SPEF2: variants seen among roughly 807,000 people sequenced by gnomAD.
SPEF2 encodes the protein sperm flagella and cilia-associated protein 2.
In SPEF2, 187 loss-of-function variants were observed where a neutral mutation model predicts 224.6. The ratio of observed to expected loss-of-function variants is 0.83; its 90% CI spans 0.74 to 0.94. The LOEUF (loss-of-function observed/expected upper bound fraction) is 0.94. Among genes scored for constraint, SPEF2 ranks in the 40% least tolerant of loss-of-function variants. The probability of loss-of-function intolerance (pLI) is 0.00; values close to 1 mark genes in which losing one functional copy is unlikely to be tolerated. For missense variants in SPEF2, 2,170 were observed against 2,135.6 expected (o/e 1.02, Z -0.32); for synonymous variants, 715 against 707.3 (o/e 1.01, Z -0.17).
intron 2 of SPEF2, among the ~76,000 whole-genome samples, chr5:35,628,786 T>C (rs1744648272): frequency 1.3e-5 from 2 of 151,896 alleles, no homozygotes; most frequent in Non-Finnish European, 2.9e-5. Context: ...TAGACGGGGT[T>C]TTTCCCTGTT....
At chr5:35,757,684 G>A (rs1750651508) in intron 24 of SPEF2, among the ~76,000 whole-genome samples, 1 of 152,076 alleles carries the variant, frequency 6.6e-6, no homozygotes, top group African/African-American at 2.4e-5. Flanking sequence ...CAAACTGTAG[G>A]ATTTGTTCAT....
Position 35,753,630 on chromosome 5 carries a change from C to T in SPEF2, c.3337C>T (p.Arg1113Ter). The stretch of plus-strand genomic sequence containing the variant: ...GCCTGTTTTTTCTGTTCAGGATCTG[C>T]GAGACCGCCTGTGGGACATTTGTGA... ...AELHQRVNDLRDRLWDICDAR... is the reference protein window; with the variant it reads ...AELHQRVNDL The change falls in exon 24 of 37, where the codon CGA becomes TGA. Residue 1113 changes from arginine (R) to a stop codon, truncating the protein, a stop_gained. Transcript: ENST00000356031. LOFTEE classifies it high-confidence loss of function. The T allele has an allele frequency of 3.1e-6, 5 of 1,614,028 alleles. No individual in the cohort carries two copies. The highest frequency in any genetic ancestry group is 2.7e-5 in the African/African-American group (2 of 75,022).
intron 2 of SPEF2, among the ~76,000 whole-genome samples, chr5:35,630,331 C>T (rs1313340572): frequency 1.3e-5 from 2 of 152,200 alleles, no homozygotes; most frequent in East Asian, 3.9e-4. Flanking sequence ...GTTCTGACCC[C>T]ACATTTCCCT....
At chr5:35,657,935 C>T (rs1006365025) in intron 7 of SPEF2, among the ~76,000 whole-genome samples, 3 of 152,236 alleles carry the variant, frequency 2.0e-5, no homozygotes, top group African/African-American at 7.2e-5. Context: ...TCAGGTCTTT[C>T]CTGCAGTGCC....
intron 20 of SPEF2, among the ~76,000 whole-genome samples, chr5:35,720,613 C>T (rs1056957206): frequency 3.3e-5 from 5 of 152,124 alleles, no homozygotes. Context: ...GTTTGGTTTT[C>T]TCCACGGTTT....
intron 10 of SPEF2, among the ~76,000 whole-genome samples, chr5:35,684,632 A>G (rs1753321442): frequency 6.6e-6 from 1 of 152,250 alleles, no homozygotes; most frequent in South Asian, 2.1e-4. Flanking sequence ...TAGGCTCCTC[A>G]CACAAGCATT....
intron 10 of SPEF2, among the ~76,000 whole-genome samples, chr5:35,682,162 TG>T (rs1752917974): frequency 6.6e-6 from 1 of 152,132 alleles, no homozygotes; most frequent in Non-Finnish European, 1.5e-5. Context: ...CAAGGCAGCT[TG>T]AATGTCTTGC....
intron 30 of SPEF2, chr5:35,789,538 T>C: frequency 1.5e-6 from 1 of 655,570 alleles, no homozygotes; most frequent in South Asian, 1.7e-5. Flanking sequence ...GCCACACACT[T>C]TCATGGTAAC....
chr5:35,728,904 C>T (rs1278022870), intron 21 of SPEF2, among the ~76,000 whole-genome samples: 2 of 151,682 alleles, frequency 1.3e-5, no homozygotes, highest in African/African-American at 4.8e-5. Flanking sequence ...AAAAACTTAC[C>T]ATAGAAGCAA....
At chr5:35,745,696 C>T (rs1748410682) in intron 23 of SPEF2, among the ~76,000 whole-genome samples, 1 of 152,188 alleles carries the variant, frequency 6.6e-6, no homozygotes, top group Non-Finnish European at 1.5e-5. Flanking sequence ...TGAGCTCAGA[C>T]ATGCTTAGCT....
Position 35,734,716 on chromosome 5 carries a change from T to C in SPEF2, c.3064-5203T>C, listed in dbSNP as rs533631702. On this transcript the variant is annotated intron_variant, in intron 21 of 36. Transcript: ENST00000356031. The stretch of plus-strand genomic sequence containing the variant: ...AATTGCTTTCTTTTTTTTCTTTTTT[T>C]TTTTTTTTTTTTTTCAGACAGAGTC... 2.0e-4 allele frequency among the ~76,000 whole-genome samples: 29 copies of C among 145,316 alleles called. No homozygotes were observed. The East Asian group carries it at 5.2e-3, about 26-fold the overall frequency.
At chr5:35,667,483 A>G (rs1415040044) in intron 9 of SPEF2, among the ~76,000 whole-genome samples, 3 of 152,166 alleles carry the variant, frequency 2.0e-5, no homozygotes, top group African/African-American at 7.2e-5. Flanking sequence ...TGAAAATTAA[A>G]GTGGATCATA....
At chr5:35,678,827 A>G (rs1410317927) in intron 10 of SPEF2, 1 of 152,220 alleles carries the variant, frequency 6.6e-6, no homozygotes, top group Non-Finnish European at 1.5e-5. Context: ...CTGGCTATCA[A>G]ACAGGTCCCA....
rs746038557 is a variant in SPEF2, at chr5:35,779,398, C to A, written c.4447+52C>A. On this transcript the variant is annotated intron_variant, in intron 30 of 36. Transcript: ENST00000356031. The stretch of plus-strand genomic sequence containing the variant: ...AGCACAAAAAAAGGTTAAGATTAAC[C>A]AGGACAGAAATCACTTGCCAACAAG... 7 of 1,411,848 alleles carry A rather than the reference C, an allele frequency of 5.0e-6. No homozygotes were observed. In the South Asian group the frequency reaches 6.5e-5, roughly 13 times the overall value. The allele number at this position is 1,411,848 out of a possible 1,614,324, so 87.5% of individuals were successfully genotyped here.
At chr5:35,718,591 G>C (rs1743049302) in intron 20 of SPEF2, among the ~76,000 whole-genome samples, 1 of 152,132 alleles carries the variant, frequency 6.6e-6, no homozygotes, top group African/African-American at 2.4e-5. Flanking sequence ...AAAGCACCTT[G>C]CACCCATGAA....
In SPEF2 at chr5:35,667,144, G is replaced by T; in HGVS notation, c.1240G>T (p.Ala414Ser). 6.2e-7 allele frequency: 1 copy of T among 1,612,232 alleles called. No individual in the cohort carries two copies. Among genetic ancestry groups the T allele is most frequent in the South Asian group, 1.1e-5 (1 of 90,434 alleles). Residue 414 changes from alanine to serine, a missense_variant, in exon 9 of 37, where the codon GCT (alanine) becomes TCT (serine). Transcript: ENST00000356031. ...LKEKRFHDQIAVERAQARYEK... is the reference protein window; with the variant it reads ...LKEKRFHDQISVERAQARYEK... Reference sequence around the variant, plus strand: ...AGAAAAGAGATTTCATGATCAGATTGCTGTGGAAAGAGCTCAAGCTCGTTA... The same window carrying T: ...AGAAAAGAGATTTCATGATCAGATTTCTGTGGAAAGAGCTCAAGCTCGTTA...
intron 21 of SPEF2, among the ~76,000 whole-genome samples, chr5:35,737,663 G>T (rs192209365): frequency 6.6e-6 from 1 of 151,978 alleles, no homozygotes; most frequent in African/African-American, 2.4e-5. Flanking sequence ...GAATAGTGCC[G>T]CAATAAACAT....
At chr5:35,646,508 CCTT>C (rs1747386475) in intron 4 of SPEF2, 156 bp from the exon 5 acceptor site, 3 of 555,934 alleles carry the variant, frequency 5.4e-6, no homozygotes, top group South Asian at 6.8e-5. Context: ...ATTAACACCT[CCTT>C]CTTAATATTA....
At chr5:35,623,542 G>T (rs1429212575) in intron 1 of SPEF2, among the ~76,000 whole-genome samples, 1 of 152,192 alleles carries the variant, frequency 6.6e-6, no homozygotes, top group Non-Finnish European at 1.5e-5. Flanking sequence ...GACCAGAAAT[G>T]CCATAAGGCT....
Sources: allele counts gnomAD v4.1 joint callset (sites outside exome capture counted in the v4.1 genomes callset), GRCh38; gene constraint gnomAD v4.1.1; transcripts MANE v1.5; gene names NCBI Gene and HGNC (gene_info 2026-07-23, HGNC 2026-07-21).